The following HEMK2 variants were observed in gnomAD, a reference collection of about 807,000 sequenced individuals.
HEMK2 encodes HemK methyltransferase 2, ETF1 glutamine and histone H4 lysine, also known as methyltransferase HEMK2.
the HEMK2 span, among the ~76,000 whole-genome samples, chr21:28,654,855 T>C: frequency 6.6e-6 from 1 of 152,220 alleles, no homozygotes; most frequent in Admixed American, 6.5e-5. Context: ...GAATTCCTTA[T>C]GCCAAGGATA....
chr21:28,592,782 G>A, the HEMK2 span, among the ~76,000 whole-genome samples: 1 of 152,196 alleles, frequency 6.6e-6, no homozygotes, highest in Admixed American at 6.5e-5. Context: ...TGTTGTTGCT[G>A]TTGTTTAACA....
the HEMK2 span, among the ~76,000 whole-genome samples, chr21:28,732,508 GA>G: frequency 6.6e-6 from 1 of 152,222 alleles, no homozygotes; most frequent in African/African-American, 2.4e-5. Flanking sequence ...CACAAAGGCA[GA>G]ATACTGTGGG....
the HEMK2 span, among the ~76,000 whole-genome samples, chr21:28,752,718 C>G: frequency 6.6e-6 from 1 of 152,200 alleles, no homozygotes; most frequent in Non-Finnish European, 1.5e-5. Context: ...TGCACCACGT[C>G]CTCATCGGAT....
the HEMK2 span, among the ~76,000 whole-genome samples, chr21:28,848,379 A>G: frequency 6.6e-6 from 1 of 152,032 alleles, no homozygotes; most frequent in Non-Finnish European, 1.5e-5. Flanking sequence ...TGAATTTTCT[A>G]GGCATACAAT....
chr21:28,762,641 T>C, the HEMK2 span, among the ~76,000 whole-genome samples: 2 of 152,020 alleles, frequency 1.3e-5, no homozygotes, highest in Non-Finnish European at 2.9e-5. Flanking sequence ...ATGAAAGGAG[T>C]AGTGGAATAA....
chr21:28,581,610 C>G, the HEMK2 span, among the ~76,000 whole-genome samples: 6,161 of 152,264 alleles, frequency 0.04, 414 homozygotes, highest in African/African-American at 0.14. Context: ...AGCAATTTCT[C>G]CCTAACTCAA....
the HEMK2 span, among the ~76,000 whole-genome samples, chr21:28,818,192 T>C: frequency 6.6e-6 from 1 of 152,292 alleles, no homozygotes; most frequent in Admixed American, 6.5e-5. Context: ...GTGAAAGGAC[T>C]AGACTGGCTG....
the HEMK2 span, among the ~76,000 whole-genome samples, chr21:28,807,554 T>C: frequency 6.6e-6 from 1 of 152,180 alleles, no homozygotes; most frequent in Non-Finnish European, 1.5e-5. Context: ...GCCCCTATCT[T>C]GAGTCATCTT....
chr21:28,813,747 G>A, the HEMK2 span, among the ~76,000 whole-genome samples: 5 of 152,136 alleles, frequency 3.3e-5, no homozygotes, highest in East Asian at 9.6e-4. Flanking sequence ...CAATGGAACA[G>A]AACAGAGGCC....
At chr21:28,599,902 C>T in the HEMK2 span, among the ~76,000 whole-genome samples, 204 of 152,324 alleles carry the variant, frequency 1.3e-3, 3 homozygotes, top group Middle Eastern at 3.4e-3. Flanking sequence ...TGTTAAAGCT[C>T]CAAAAGTATC....
At chr21:28,737,493 G>C in the HEMK2 span, among the ~76,000 whole-genome samples, 67 of 152,052 alleles carry the variant, frequency 4.4e-4, no homozygotes, top group African/African-American at 1.6e-3. Flanking sequence ...CAGAGAAAAC[G>C]AGAATTCAAA....
At chr21:28,711,893 A>G in the HEMK2 span, among the ~76,000 whole-genome samples, 8 of 152,006 alleles carry the variant, frequency 5.3e-5, no homozygotes, top group Admixed American at 4.6e-4. Context: ...GCAGACTTCC[A>G]TTTTTTCACT....
chr21:28,725,790 A>G, the HEMK2 span, among the ~76,000 whole-genome samples: 3 of 152,228 alleles, frequency 2.0e-5, no homozygotes, highest in Non-Finnish European at 4.4e-5. Flanking sequence ...ATTCCCTAAA[A>G]TAATTTCAAA....
At chr21:28,731,932 C>G in the HEMK2 span, among the ~76,000 whole-genome samples, 1 of 152,288 alleles carries the variant, frequency 6.6e-6, no homozygotes, top group East Asian at 1.9e-4. Flanking sequence ...GCTGGTAGCC[C>G]ACACAGAGGT....
chr21:28,860,511 A>T, the HEMK2 span, among the ~76,000 whole-genome samples: 1 of 150,502 alleles, frequency 6.6e-6, no homozygotes, highest in Non-Finnish European at 1.5e-5. Context: ...ATATAGAACA[A>T]AATGAACCTA....
chr21:28,763,601 T>G, the HEMK2 span, among the ~76,000 whole-genome samples: 6 of 152,052 alleles, frequency 3.9e-5, no homozygotes, highest in Admixed American at 6.6e-5. Context: ...ACGTGAACAT[T>G]CTCAGCCTCA....
At chr21:28,580,979 A>AC in the HEMK2 span, among the ~76,000 whole-genome samples, 1 of 151,804 alleles carries the variant, frequency 6.6e-6, no homozygotes, top group African/African-American at 2.4e-5. Flanking sequence ...ATTTACCCAC[A>AC]CCCCCATTGC....
At chr21:28,718,627 AAT>A in the HEMK2 span, among the ~76,000 whole-genome samples, 2 of 152,046 alleles carry the variant, frequency 1.3e-5, no homozygotes, top group African/African-American at 2.4e-5. Context: ...TAAAAAAAAA[AAT>A]AAACTGCTTG....
At chr21:28,576,874 C>T in the HEMK2 span, among the ~76,000 whole-genome samples, 2 of 152,108 alleles carry the variant, frequency 1.3e-5, no homozygotes, top group Non-Finnish European at 2.9e-5. Context: ...CCATACCTGG[C>T]TAATTTTCAT....
Sources: allele counts gnomAD v4.1 joint callset (sites outside exome capture counted in the v4.1 genomes callset), GRCh38; gene constraint gnomAD v4.1.1; transcripts MANE v1.5; gene names NCBI Gene and HGNC (gene_info 2026-07-23, HGNC 2026-07-21).